The following ZNF624 variants were observed in gnomAD, a reference collection of about 807,000 sequenced individuals.
ZNF624 encodes zinc finger protein 624.
In ZNF624, 43 loss-of-function variants were observed where a neutral mutation model predicts 74.7. That is an observed-to-expected ratio of 0.58 (90% CI 0.45 to 0.74). The LOEUF is 0.74. ZNF624 is among the 30% of genes least tolerant of loss of function. ZNF624 has a pLI of 0.00. For missense variants in ZNF624, 820 were observed against 1,030.0 expected (o/e 0.80, Z 2.79); for synonymous variants, 331 against 341.3 (o/e 0.97, Z 0.33).
In ZNF624 at chr17:16,622,649, T is replaced by C. The variant is rs765502224; in HGVS notation, c.2237A>G (p.His746Arg). 1.2e-6 allele frequency: 2 copies of C among 1,614,002 alleles called. No individual in the cohort carries two copies. Among genetic ancestry groups the C allele is most frequent in the African/African-American group, 1.3e-5 (1 of 74,950 alleles). Residue 746 changes from histidine to arginine, a missense_variant, in exon 6 of 6, where the codon CAT becomes CGT. By Grantham distance (29) the His-to-Arg change is conservative. Coordinates refer to ENST00000311331, the MANE Select transcript of ZNF624 (RefSeq NM_020787.4). ...MVHVTEHQKI[H>R]SGEKPYKCDV... ...ACACTTATAGGGCTTCTCTCCACTA[T>C]GGATTTTCTGATGTTCTGTGACATG...
At chr17:16,639,047 T>A (rs1909406740) in intron 3 of ZNF624, among the ~76,000 whole-genome samples, 1 of 152,146 alleles carries the variant, frequency 6.6e-6, no homozygotes, top group South Asian at 2.1e-4. Context: ...ATGTTAGATG[T>A]CTTGCCCAAA....
At chr17:16,628,995 C>T (rs945057221) in intron 5 of ZNF624, among the ~76,000 whole-genome samples, 8 of 151,832 alleles carry the variant, frequency 5.3e-5, no homozygotes, top group Non-Finnish European at 8.8e-5. Context: ...GGTCAGAGTT[C>T]GAGACCAGCC....
intron 1 of ZNF624, among the ~76,000 whole-genome samples, chr17:16,652,057 T>C (rs772783371): frequency 6.6e-6 from 1 of 152,004 alleles, no homozygotes; most frequent in Non-Finnish European, 1.5e-5. Context: ...AGGAATTACT[T>C]AATGGGTATA....
chr17:16,645,191 G>A (rs1179492346), intron 3 of ZNF624, among the ~76,000 whole-genome samples: 1 of 152,126 alleles, frequency 6.6e-6, no homozygotes, highest in East Asian at 1.9e-4. Context: ...TGTAATCCCA[G>A]CACTTTGGGA....
rs367963782 is a variant in ZNF624, at chr17:16,624,029, T to C, written c.857A>G (p.His286Arg). 3.7e-4 allele frequency: 604 copies of C among 1,613,562 alleles called. No homozygotes were observed. Among genetic ancestry groups the C allele is most frequent in the Non-Finnish European group, 5.0e-4 (590 of 1,179,936 alleles). ...YKCSTCEKAF[H>R]YRSLLIQHQR... is the part of the protein sequence containing the mutation. ...ATGTTGAATGAGCAATGATCTATAA[T>C]GAAAGGCCTTTTCGCATGTACTACA... The change falls in exon 6 of 6, where the codon CAT (histidine) becomes CGT (arginine). Residue 286 changes from histidine (H) to arginine (R), a missense_variant. Physicochemically the swap from His to Arg is conservative, Grantham distance 29 (BLOSUM62 0). Transcript: ENST00000311331.
At chr17:16,630,426 G>T (rs1909178595) in intron 5 of ZNF624, among the ~76,000 whole-genome samples, 1 of 152,056 alleles carries the variant, frequency 6.6e-6, no homozygotes, top group Non-Finnish European at 1.5e-5. Flanking sequence ...GCATGGTGGT[G>T]CATGCCTGTA....
rs563075453 is a variant in ZNF624, at chr17:16,641,348, T to C, written c.153+5981A>G. ...CCCAGGCTGGAGTACAGTGGTGCAA[T>C]TTTGGCTCATTGCAACCTCCACCTC... On this transcript the variant is annotated intron_variant, in intron 3 of 5. Coordinates refer to ENST00000311331, the MANE Select transcript of ZNF624 (RefSeq NM_020787.4). 5.9e-5 allele frequency among the ~76,000 whole-genome samples: 9 copies of C among 152,230 alleles called. No individual in the cohort carries two copies. In the South Asian group the frequency reaches 1.5e-3, roughly 25 times the overall value.
At chr17:16,627,871 C>A (rs1392018318) in intron 5 of ZNF624, among the ~76,000 whole-genome samples, 1 of 152,144 alleles carries the variant, frequency 6.6e-6, no homozygotes, top group Non-Finnish European at 1.5e-5. Context: ...AAACATTAAT[C>A]CTCTGTGGGA....
downstream of ZNF624, chr17:16,617,191 T>G: frequency 6.2e-7 from 1 of 1,612,660 alleles, no homozygotes; most frequent in Non-Finnish European, 8.5e-7. Context: ...TGATCGACCT[T>G]TGCTCCGCGA....
chr17:16,634,587 C>A, intron 4 of ZNF624, 43 bp downstream of exon 4: 2 of 1,585,644 alleles, frequency 1.3e-6, no homozygotes, highest in South Asian at 2.3e-5. Context: ...CAAACCTGGT[C>A]AAATGGGCAG....
chr17:16,624,567 T>TG (rs1234784115), intron 5 of ZNF624, 58 bp from the exon 6 acceptor site: 40 of 1,399,352 alleles, frequency 2.9e-5, no homozygotes, highest in Non-Finnish European at 3.7e-5. Context: ...GCAATCTCAC[T>TG]AAACAGAATA....
rs531530609 is a variant in ZNF624 at position 16,621,584 on chromosome 17, G to C, written c.*704C>G. On this transcript the variant is annotated 3_prime_UTR_variant, in exon 6 of 6. Transcript: ENST00000311331. The stretch of plus-strand genomic sequence containing the variant: ...TAATTTTTGCCAGATCCATGAAGGG[G>C]AAGTTTCATCTCACTGAGCATTTCA... 6.6e-6 allele frequency: 1 copy of C among 152,200 alleles called. No individual in the cohort carries two copies. The highest frequency in any genetic ancestry group is 2.4e-5 in the African/African-American group (1 of 41,454). 9.4% of individuals were successfully genotyped at this position (152,200 alleles called of 1,614,324 possible).
At chr17:16,649,572 G>A (rs1446032369) in intron 2 of ZNF624, 86 bp downstream of exon 2, 3 of 1,204,740 alleles carry the variant, frequency 2.5e-6, no homozygotes, top group South Asian at 2.5e-5. Context: ...GGTGTCGGGG[G>A]AAGTAGAGAA....
Position 16,622,864 on chromosome 17 carries a change from C to G in ZNF624, c.2022G>C (p.Glu674Asp). 1 of 1,613,796 alleles carries G rather than the reference C, an allele frequency of 6.2e-7. No individual in the cohort carries two copies. Among genetic ancestry groups the G allele is most frequent in the Non-Finnish European group, 8.5e-7 (1 of 1,179,878 alleles). ...GEKPYKCNEC[E>D]KAFTNTSQLT... ...GCTGTGATGTATTAGTGAAGGCTTTCTCACATTCATTACATTTATATGGTT... is the reference window on the plus strand; with the variant it reads ...GCTGTGATGTATTAGTGAAGGCTTTGTCACATTCATTACATTTATATGGTT... The change falls in exon 6 of 6, where the codon GAG (glutamate) becomes GAC (aspartate). Residue 674 changes from glutamate (E) to aspartate (D), a missense_variant. Physicochemically the swap from Glu to Asp is conservative, Grantham distance 45. Coordinates refer to ENST00000311331, the MANE Select transcript of ZNF624 (RefSeq NM_020787.4).
chr17:16,645,958 A>G (rs1465269004), intron 3 of ZNF624, among the ~76,000 whole-genome samples: 1 of 151,388 alleles, frequency 6.6e-6, no homozygotes, highest in Non-Finnish European at 1.5e-5. Context: ...AAAAAAAAAA[A>G]AAAAAAAGAA....
At chr17:16,628,130 G>A (rs111948306) in intron 5 of ZNF624, among the ~76,000 whole-genome samples, 2 of 152,092 alleles carry the variant, frequency 1.3e-5, no homozygotes, top group African/African-American at 4.8e-5. Context: ...AGGCATGGTG[G>A]TGCATGCCTG....
chr17:16,650,428 T>TAATAATAATAAA, intron 1 of ZNF624, among the ~76,000 whole-genome samples: 1 of 150,978 alleles, frequency 6.6e-6, no homozygotes. Context: ...ATAATAATAA[T>TAATAATAATAAA]AATAATAATA....
chr17:16,617,006 A>G (rs1482507325), downstream of ZNF624: 3 of 1,607,272 alleles, frequency 1.9e-6, no homozygotes, highest in African/African-American at 4.0e-5. Flanking sequence ...CTTGATCTGG[A>G]TTTTGACTTT....
intron 3 of ZNF624, among the ~76,000 whole-genome samples, chr17:16,636,297 T>C (rs1294558189): frequency 6.6e-6 from 1 of 152,250 alleles, no homozygotes; most frequent in Non-Finnish European, 1.5e-5. Context: ...AAAGTACATA[T>C]AGTTTGTATT....
Sources: gnomAD v4.1 joint callset for allele counts (sites outside exome capture counted in the v4.1 genomes callset) on GRCh38, gnomAD v4.1.1 for gene constraint, MANE v1.5 for transcripts, NCBI Gene and HGNC (gene_info 2026-07-23, HGNC 2026-07-21) for gene names.